GSG1L: variants seen among roughly 807,000 people sequenced by gnomAD.
GSG1L encodes germ cell-specific gene 1-like protein.
Under a neutral mutation model 42.1 loss-of-function variants are expected in GSG1L, and 24 were observed. That is an observed-to-expected ratio of 0.57 (90% CI 0.41 to 0.80). GSG1L has a LOEUF of 0.80. GSG1L is among the 30% of genes least tolerant of loss of function. GSG1L has a pLI of 0.00. For missense variants in GSG1L, 445 were observed against 472.2 expected (o/e 0.94, Z 0.53); for synonymous variants, 215 against 203.5 (o/e 1.06, Z -0.48).
rs2084893079 is a variant in GSG1L, at chr16:27,947,540, G to GGAAGGAAAGAAA, written c.397+15615_397+15616insTTTCTTTCCTTC. On this transcript the variant is annotated intron_variant, in intron 2 of 6. Transcript: ENST00000447459. ...GAAAGAAAAAGAAAGAAAGAATGAA[G>GGAAGGAAAGAAA]GAAAGAAAGAAAGAAAGAAAGAAAG... Among the ~76,000 whole-genome samples the GGAAGGAAAGAAA allele has an allele frequency of 4.1e-5, 4 of 97,158 alleles. 1 individual carries two copies. In the South Asian group the frequency reaches 1.2e-3, roughly 29 times the overall value. 63.7% of individuals were successfully genotyped at this position (97,158 alleles called of 152,430 possible). A position where few individuals can be genotyped will look rare whatever the true frequency, so the allele number is the denominator to read the frequency against.
chr16:28,040,919 G>A lies in GSG1L; in HGVS notation c.349+22157C>T, dbSNP rs2086098531. On this transcript the variant is annotated intron_variant, in intron 1 of 6. Coordinates refer to ENST00000447459, the MANE Select transcript of GSG1L (RefSeq NM_001109763.2). The surrounding 1 kb of genome is among the most constrained non-coding windows in gnomAD (Gnocchi z 4.1). ...TCAGACCCCACAGCAGCAAATGTGT[G>A]CTGTGCACTGAGCCTGTGCCAAGTG... Among the ~76,000 whole-genome samples, 2 of 152,376 alleles carry A rather than the reference G, an allele frequency of 1.3e-5. No individual in the cohort carries two copies. Among genetic ancestry groups the A allele is most frequent in the South Asian group, 4.1e-4 (2 of 4,832 alleles).
At position 28,063,223 on chromosome 16, in the gene GSG1L, C is replaced by G. The variant is rs1168351554; in HGVS notation, c.202G>C (p.Ala68Pro). The change falls in exon 1 of 7, where the codon GCC becomes CCC. Residue 68 changes from alanine (A) to proline (P), a missense_variant. Coordinates refer to ENST00000447459, the MANE Select transcript of GSG1L (RefSeq NM_001109763.2). The surrounding 1 kb of genome is among the most constrained non-coding windows in gnomAD (Gnocchi z 5.8). ...NATANGTAAP[A>P]AAAAAATASG... ...GCGGTGGCGGCGGCGGCGGCGGCGG[C>G]GGGGGCGGCGGTGCCGTTGGCCGTG... is the stretch of plus-strand genomic sequence containing the variant. The G allele has an allele frequency of 3.5e-5, 44 of 1,240,822 alleles. No individual in the cohort carries two copies. The South Asian group carries it at 3.8e-4, about 11-fold the overall frequency. The allele number at this position is 1,240,822 out of a possible 1,614,324, so 76.9% of individuals were successfully genotyped here.
intron 2 of GSG1L, 80 bp downstream of exon 2, chr16:27,963,076 G>A: frequency 8.3e-7 from 1 of 1,205,772 alleles, no homozygotes; most frequent in Non-Finnish European, 1.2e-6. Context: ...GCTATCACAG[G>A]GCTTTGGGGA....
intron 1 of GSG1L, among the ~76,000 whole-genome samples, chr16:27,967,769 T>TG (rs762966318): frequency 2.0e-5 from 3 of 152,090 alleles, no homozygotes; most frequent in Non-Finnish European, 4.4e-5. Flanking sequence ...AAAAATTCGC[T>TG]GGGTGTGTTG....
At chr16:27,866,721 ACCACC>A (rs2083730967) in intron 3 of GSG1L, among the ~76,000 whole-genome samples, 1 of 152,028 alleles carries the variant, frequency 6.6e-6, no homozygotes, top group Non-Finnish European at 1.5e-5. Flanking sequence ...ACAGACTTGC[ACCACC>A]ATGCCAGGTT....
chr16:27,995,116 AC>A (rs1029430830), intron 1 of GSG1L, among the ~76,000 whole-genome samples: 3 of 152,276 alleles, frequency 2.0e-5, no homozygotes, highest in African/African-American at 7.2e-5. Context: ...CTGGGTCTCA[AC>A]CCAACCTCGA....
At chr16:28,036,583 C>A (rs558118767) in intron 1 of GSG1L, among the ~76,000 whole-genome samples, 1 of 152,188 alleles carries the variant, frequency 6.6e-6, no homozygotes, top group African/African-American at 2.4e-5. Flanking sequence ...CTCTGTCCCC[C>A]CCTTCACCAG....
intron 5 of GSG1L, among the ~76,000 whole-genome samples, chr16:27,820,872 C>G (rs1270730175): frequency 1.3e-5 from 2 of 152,212 alleles, no homozygotes; most frequent in East Asian, 3.9e-4. Context: ...CCAGGCACAA[C>G]TCCCATCGAG....
intron 1 of GSG1L, among the ~76,000 whole-genome samples, chr16:28,037,018 T>C (rs2086046876): frequency 6.6e-6 from 1 of 152,164 alleles, no homozygotes; most frequent in Non-Finnish European, 1.5e-5. Context: ...GTTGTTGTTG[T>C]TGTTGTTTTG....
intron 2 of GSG1L, among the ~76,000 whole-genome samples, chr16:27,930,466 A>T (rs1158767146): frequency 6.6e-6 from 1 of 152,110 alleles, no homozygotes; most frequent in Non-Finnish European, 1.5e-5. Context: ...GATTCCTCCC[A>T]CTGGGATGTA....
At chr16:27,938,668 A>AGGGCTCTACT (rs2084748754) in intron 2 of GSG1L, among the ~76,000 whole-genome samples, 4 of 152,216 alleles carry the variant, frequency 2.6e-5, no homozygotes, top group Non-Finnish European at 5.9e-5. Flanking sequence ...ACCTCTAGGA[A>AGGGCTCTACT]GAGCAGAAAA....
In GSG1L at chr16:27,815,669, C is replaced by T. The variant is rs374640426; in HGVS notation, c.831-8115G>A. Among the ~76,000 whole-genome samples the T allele has an allele frequency of 6.6e-5, 10 of 152,314 alleles. No homozygotes were observed. The South Asian group carries it at 1.2e-3, about 19-fold the overall frequency. On this transcript the variant is annotated intron_variant, in intron 5 of 6. Transcript: ENST00000447459. ...GGGCAGTGGCTCCACTACTCACCAG[C>T]CCTGTGCCTGGACAAGTCTTGATTT...
Position 27,907,149 on chromosome 16 carries a change from G to A in GSG1L, c.398-22511C>T, listed in dbSNP as rs149742436. Among the ~76,000 whole-genome samples, 537 of 152,266 alleles carry A rather than the reference G, an allele frequency of 3.5e-3. 2 individuals carry two copies. Among genetic ancestry groups the A allele is most frequent in the African/African-American group, 0.012 (497 of 41,544 alleles). On this transcript the variant is annotated intron_variant, in intron 2 of 6. Transcript: ENST00000447459. Reference sequence around the variant, plus strand: ...TTGCAGAAACATCTGTTGAAGAGGCGGTCCCTTTCCACTGGGAGTTGCTAA... The same window carrying A: ...TTGCAGAAACATCTGTTGAAGAGGCAGTCCCTTTCCACTGGGAGTTGCTAA...
chr16:27,892,828 T>C (rs1212978912), intron 2 of GSG1L, among the ~76,000 whole-genome samples: 1 of 143,872 alleles, frequency 7.0e-6, no homozygotes, highest in Non-Finnish European at 1.5e-5. Context: ...AAGGAAAAAC[T>C]AAGTCAATGC....
chr16:28,060,509 T>G (rs2141204307), intron 1 of GSG1L, among the ~76,000 whole-genome samples: 1 of 151,938 alleles, frequency 6.6e-6, no homozygotes, highest in South Asian at 2.1e-4. Flanking sequence ...AAACTGGGGG[T>G]TTCTTTTATT....
chr16:27,880,421 C>G (rs2141020094), intron 3 of GSG1L, among the ~76,000 whole-genome samples: 2 of 152,364 alleles, frequency 1.3e-5, no homozygotes, highest in Middle Eastern at 6.8e-3. Context: ...GTCCTCCCGC[C>G]TGGTCACTCC....
intron 2 of GSG1L, among the ~76,000 whole-genome samples, chr16:27,945,166 T>C (rs2084848423): frequency 6.6e-6 from 1 of 151,892 alleles, no homozygotes; most frequent in South Asian, 2.1e-4. Context: ...TAAATGGGGT[T>C]CCTTTTCAGG....
chr16:28,025,378 C>A (rs923906091), intron 1 of GSG1L, among the ~76,000 whole-genome samples: 17 of 152,310 alleles, frequency 1.1e-4, no homozygotes, highest in South Asian at 2.1e-4. Flanking sequence ...TAAGGAAGAG[C>A]AGACATAAGG....
intron 1 of GSG1L, among the ~76,000 whole-genome samples, chr16:28,050,122 G>A (rs914562217): frequency 6.6e-6 from 1 of 152,076 alleles, no homozygotes; most frequent in African/African-American, 2.4e-5. Context: ...AATACCAAAG[G>A]AGACAAGACA....
Sources: allele counts gnomAD v4.1 joint callset (sites outside exome capture counted in the v4.1 genomes callset), GRCh38; gene constraint gnomAD v4.1.1; non-coding constraint Gnocchi (gnomAD v3.1); transcripts MANE v1.5; gene names NCBI Gene and HGNC (gene_info 2026-07-23, HGNC 2026-07-21).